PDHB: variants seen among roughly 807,000 people sequenced by gnomAD.
The protein encoded by PDHB is pyruvate dehydrogenase E1 subunit beta, also known as pyruvate dehydrogenase E1 component subunit beta, mitochondrial.
A neutral mutation model predicts 42.8 loss-of-function variants in PDHB; 17 were observed. That is an observed-to-expected ratio of 0.40 (90% CI 0.27 to 0.60). The LOEUF (loss-of-function observed/expected upper bound fraction) is 0.60, where lower values mean the gene tolerates loss of function less well. PDHB is among the 20% of genes least tolerant of loss of function. PDHB has a pLI of 0.46. For synonymous variants in PDHB, 154 were observed against 148.7 expected (o/e 1.04, Z -0.26); for missense variants, 322 against 451.3 (o/e 0.71, Z 2.60).
chr3:58,430,289 C>G lies in PDHB; in HGVS notation c.590-51G>C, dbSNP rs2062909388. On this transcript the variant is annotated intron_variant, in intron 6 of 9. Coordinates refer to ENST00000302746, the MANE Select transcript of PDHB (RefSeq NM_000925.4). ...AAGTAATTAATCACATCCAGAATGA[C>G]TAAAACTGCATAGAAAGCAATATCA... 3.4e-6 allele frequency: 4 copies of G among 1,185,566 alleles called. No homozygotes were observed. In the African/African-American group the frequency reaches 6.1e-5, roughly 18 times the overall value. 73.4% of individuals were successfully genotyped at this position (1,185,566 alleles called of 1,614,324 possible).
chr3:58,432,334 C>T, intron 2 of PDHB: 1 of 342,852 alleles, frequency 2.9e-6, no homozygotes, highest in Non-Finnish European at 5.6e-6. Context: ...TGTATATGCC[C>T]CAAATAATTG....
At chr3:58,433,542 G>C in intron 2 of PDHB, 89 bp downstream of exon 2, 1 of 1,408,668 alleles carries the variant, frequency 7.1e-7, no homozygotes, top group Non-Finnish European at 9.7e-7. Flanking sequence ...GGCGCCGGAA[G>C]GCCACAGCGC....
In PDHB at chr3:58,428,064, T is replaced by C. The variant is rs1641509410; in HGVS notation, c.1050A>G (p.Ile350Met). 6.2e-7 allele frequency: 1 copy of C among 1,609,074 alleles called. No individual in the cohort carries two copies. The highest frequency in any genetic ancestry group is 1.7e-5 in the Admixed American group (1 of 60,014). The part of the protein sequence containing the change: ...DNSIPQVKDI[I>M]FAIKKTLNI ...TATTTAATGTTTTCTTTATTGCAAA[T>C]ATGATGTCTTTGACCTGAGGTATAG... The change falls in exon 10 of 10, where the codon ATA (isoleucine) becomes ATG (methionine). Residue 350 changes from isoleucine (I) to methionine (M), a missense_variant. Ile to Met is a conservative substitution (Grantham distance 10, BLOSUM62 1). Coordinates refer to ENST00000302746, the MANE Select transcript of PDHB (RefSeq NM_000925.4).
chr3:58,431,341 G>C lies in PDHB; in HGVS notation c.303+252C>G. On this transcript the variant is annotated intron_variant, in intron 5 of 9. Coordinates refer to ENST00000302746, the MANE Select transcript of PDHB (RefSeq NM_000925.4). This position sits in a 1 kb window ranked among gnomAD's most constrained non-coding sequence, Gnocchi z 4.4. Reference sequence around the variant, plus strand: ...AGGCGGTCGGATCACTTGAGGCCAGGAGTTCAAGACCAGCCTGGCCAACAT... The same window carrying C: ...AGGCGGTCGGATCACTTGAGGCCAGCAGTTCAAGACCAGCCTGGCCAACAT... 2.0e-6 allele frequency: 1 copy of C among 501,798 alleles called. No individual in the cohort carries two copies. The highest frequency in any genetic ancestry group is 3.6e-6 in the Non-Finnish European group (1 of 278,394). The allele number at this position is 501,798 out of a possible 1,614,324, so 31.1% of individuals were successfully genotyped here.
Position 58,429,812 on chromosome 3 carries a change from TGG to T in PDHB, c.701-15_701-14del. 2.0e-6 allele frequency: 3 copies of T among 1,503,336 alleles called. No individual in the cohort carries two copies. The highest frequency in any genetic ancestry group is 2.8e-6 in the Non-Finnish European group (3 of 1,079,050). The allele number at this position is 1,503,336 out of a possible 1,614,324, so 93.1% of individuals were successfully genotyped here. On this transcript the variant is annotated splice_polypyrimidine_tract_variant and intron_variant, in intron 7 of 9. Coordinates refer to ENST00000302746, the MANE Select transcript of PDHB (RefSeq NM_000925.4). ...GTTATATGTGTTCCTGAAAACAGAG[TGG>T]TCACAGATCAGAGATCAGGTTGAAA...
Position 58,431,567 on chromosome 3 carries a change from T to G in PDHB, c.303+26A>C. On this transcript the variant is annotated intron_variant, in intron 5 of 9. Coordinates refer to ENST00000302746, the MANE Select transcript of PDHB (RefSeq NM_000925.4). This position sits in a 1 kb window ranked among gnomAD's most constrained non-coding sequence, Gnocchi z 4.4. ...AAAGAAAACAAGAAATGTCTTTGGA[T>G]AAGTTTCATAAAGAGTATTACATAC... 1 of 1,558,388 alleles carries G rather than the reference T, an allele frequency of 6.4e-7. No homozygotes were observed.
At chr3:58,430,628 A>C in intron 6 of PDHB, 29 bp downstream of exon 6, 1 of 1,592,488 alleles carries the variant, frequency 6.3e-7, no homozygotes. Context: ...TTCAATCTTC[A>C]AAAAAAACCA....
In PDHB at chr3:58,432,000, A is replaced by T. The variant is rs2062924787; in HGVS notation, c.97-16T>A. 1 of 1,532,582 alleles carries T rather than the reference A, an allele frequency of 6.5e-7. No individual in the cohort carries two copies. Among genetic ancestry groups the T allele is most frequent in the Non-Finnish European group, 9.0e-7 (1 of 1,105,518 alleles). The allele number at this position is 1,532,582 out of a possible 1,614,324, so 94.9% of individuals were successfully genotyped here. ...GAACTGTCACCTGTCACAGGTATGC[A>T]AAAACAGTCAATACAGAATTGTTTG... is the stretch of plus-strand genomic sequence containing the variant. On this transcript the variant is annotated splice_polypyrimidine_tract_variant and intron_variant, in intron 2 of 9. Transcript: ENST00000302746. The surrounding 1 kb of genome is among the most constrained non-coding windows in gnomAD (Gnocchi z 4.4).
At position 58,431,306 on chromosome 3, in the gene PDHB, T is replaced by G. The variant is rs1417102846; in HGVS notation, c.303+287A>C. On this transcript the variant is annotated intron_variant, in intron 5 of 9. Coordinates refer to ENST00000302746, the MANE Select transcript of PDHB (RefSeq NM_000925.4). The surrounding 1 kb of genome is among the most constrained non-coding windows in gnomAD (Gnocchi z 4.4). ...GCTCACGCCTGTAATCCCAGCACTT[T>G]GGGAGGCCAAGGCGGTCGGATCACT... 1 of 468,930 alleles carries G rather than the reference T, an allele frequency of 2.1e-6. No individual in the cohort carries two copies. The highest frequency in any genetic ancestry group is 2.0e-5 in the African/African-American group (1 of 51,122). The allele number at this position is 468,930 out of a possible 1,614,324, so 29.0% of individuals were successfully genotyped here. A position where few individuals can be genotyped will look rare whatever the true frequency, so the allele number is the denominator to read the frequency against.
rs141320959 is a variant in PDHB, at chr3:58,431,341, G to T, written c.303+252C>A. The T allele has an allele frequency of 4.2e-5, 21 of 501,798 alleles. No individual in the cohort carries two copies. The East Asian group carries it at 7.7e-4, about 18-fold the overall frequency. 31.1% of individuals were successfully genotyped at this position (501,798 alleles called of 1,614,324 possible). ...AGGCGGTCGGATCACTTGAGGCCAGGAGTTCAAGACCAGCCTGGCCAACAT... is the reference window on the plus strand; with the variant it reads ...AGGCGGTCGGATCACTTGAGGCCAGTAGTTCAAGACCAGCCTGGCCAACAT... On this transcript the variant is annotated intron_variant, in intron 5 of 9. Transcript: ENST00000302746. The surrounding 1 kb of genome is among the most constrained non-coding windows in gnomAD (Gnocchi z 4.4).
chr3:58,430,368 A>C, intron 6 of PDHB, 130 bp from the exon 7 acceptor site: 1 of 701,966 alleles, frequency 1.4e-6, no homozygotes, highest in African/African-American at 1.8e-5. Flanking sequence ...TACCATGACC[A>C]GCAGCCTTGA....
Sources: gnomAD v4.1 joint callset for allele counts on GRCh38, gnomAD v4.1.1 for gene constraint, Gnocchi (gnomAD v3.1) non-coding constraint, MANE v1.5 for transcripts, NCBI Gene and HGNC (gene_info 2026-07-23, HGNC 2026-07-21) for gene names.